The following BSG variants were observed in gnomAD, a reference collection of about 807,000 sequenced individuals.
BSG encodes basigin.
A neutral mutation model predicts 43.1 loss-of-function variants in BSG; 37 were observed. The ratio of observed to expected loss-of-function variants is 0.86; its 90% CI spans 0.66 to 1.13. The LOEUF is 1.13. BSG is among the 50% of genes most tolerant of loss of function. BSG has a pLI of 0.00. For missense variants in BSG, 599 were observed against 554.2 expected, an observed-to-expected ratio of 1.08 and a Z score of -0.81; for synonymous variants, 309 against 238.7, an observed-to-expected ratio of 1.29 and a Z score of -2.72.
At position 578,001 on chromosome 19, in the gene BSG, G is replaced by C. The variant is rs537898048; in HGVS notation, c.295G>C (p.Val99Leu). 7.4e-6 allele frequency: 12 copies of C among 1,612,006 alleles called. No individual in the cohort carries two copies. Among genetic ancestry groups the C allele is most frequent in the Non-Finnish European group, 1.0e-5 (12 of 1,179,672 alleles). ...AASTISIDTL[V>L]EEDTGTYECR... ...CAGCACCATCTCCATCGACACGCTC[G>C]TGGAGGAGGACACGGGCACTTACGA... The change falls in exon 2 of 9, where the codon GTG becomes CTG. Residue 99 changes from valine (V) to leucine (L), a missense_variant. Coordinates refer to ENST00000333511, the MANE Select transcript of BSG (RefSeq NM_001728.4).
chr19:576,986 G>A (rs969217677), intron 1 of BSG, among the ~76,000 whole-genome samples: 11 of 152,144 alleles, frequency 7.2e-5, no homozygotes, highest in Non-Finnish European at 1.2e-4. Context: ...GTGTTGTAGC[G>A]GTGCCTGGGG....
intron 1 of BSG, among the ~76,000 whole-genome samples, chr19:573,955 G>A (rs1981524240): frequency 6.6e-6 from 1 of 152,188 alleles, no homozygotes; most frequent in Admixed American, 6.5e-5. Context: ...TTGGTTCTGG[G>A]TTAAAGATTT....
intron 3 of BSG, 189 bp downstream of exon 3, chr19:579,845 A>G: frequency 1.2e-6 from 1 of 848,222 alleles, no homozygotes. Context: ...CTTGTGAGGC[A>G]GGGGGCTCCA....
chr19:576,786 C>T (rs1055627534), intron 1 of BSG, among the ~76,000 whole-genome samples: 2 of 151,580 alleles, frequency 1.3e-5, no homozygotes, highest in Non-Finnish European at 2.9e-5. Context: ...AAGAAAATGG[C>T]GCTGCCAAAA....
In BSG at chr19:580,366, G is replaced by A. The variant is rs1982177356; in HGVS notation, c.573-13G>A. ...GAGCTGGTACGCGGCTCACCTGCCTGCTGTGGTTGCAGGGTGGACTCCGAC... is the reference window on the plus strand; with the variant it reads ...GAGCTGGTACGCGGCTCACCTGCCTACTGTGGTTGCAGGGTGGACTCCGAC... On this transcript the variant is annotated splice_polypyrimidine_tract_variant and intron_variant, in intron 3 of 8. Transcript: ENST00000333511. 1 of 1,609,696 alleles carries A rather than the reference G, an allele frequency of 6.2e-7. No homozygotes were observed. The highest frequency in any genetic ancestry group is 8.5e-7 in the Non-Finnish European group (1 of 1,179,562).
chr19:580,574 G>T, intron 4 of BSG, 72 bp from the exon 5 acceptor site: 1 of 1,606,338 alleles, frequency 6.2e-7, no homozygotes, highest in East Asian at 2.2e-5. Context: ...GAGGGGAACA[G>T]CCCTCCTGCG....
rs1982459853 is a variant in BSG at position 582,871 on chromosome 19, C to G, written c.*127C>G. ...CCACCCCGTAGATTCCCATCATACACTTCCTTCTTTTTTAAAAAAGTTGGG... is the reference window on the plus strand; with the variant it reads ...CCACCCCGTAGATTCCCATCATACAGTTCCTTCTTTTTTAAAAAAGTTGGG... On this transcript the variant is annotated 3_prime_UTR_variant, in exon 9 of 9. Coordinates refer to ENST00000333511, the MANE Select transcript of BSG (RefSeq NM_001728.4). 1 of 480,956 alleles carries G rather than the reference C, an allele frequency of 2.1e-6. No homozygotes were observed. Among genetic ancestry groups the G allele is most frequent in the African/African-American group, 2.0e-5 (1 of 50,468 alleles). The allele number at this position is 480,956 out of a possible 1,614,324, so 29.8% of individuals were successfully genotyped here.
intron 4 of BSG, 72 bp downstream of exon 4, chr19:580,533 A>T: frequency 6.2e-7 from 1 of 1,605,188 alleles, no homozygotes; most frequent in Non-Finnish European, 8.5e-7. Context: ...GGCACCCGGC[A>T]CATCCCAGAG....
chr19:572,370 A>T, upstream of BSG: 1 of 1,091,000 alleles, frequency 9.2e-7, no homozygotes, highest in Non-Finnish European at 1.1e-6. Flanking sequence ...GCGTCCCCGC[A>T]GGCCCCACTC....
intron 6 of BSG, among the ~76,000 whole-genome samples, chr19:582,081 G>A (rs952456664): frequency 2.0e-5 from 3 of 152,192 alleles, no homozygotes; most frequent in African/African-American, 7.2e-5. Context: ...GAGGCCATGG[G>A]GACAGCTCAC....
Position 580,718 on chromosome 19 carries a change from A to C in BSG, c.728A>C (p.Lys243Thr), listed in dbSNP as rs1982219441. 5 of 1,612,894 alleles carry C rather than the reference A, an allele frequency of 3.1e-6. No individual in the cohort carries two copies. The highest frequency in any genetic ancestry group is 4.2e-6 in the Non-Finnish European group (5 of 1,179,972). Residue 243 changes from lysine to threonine, a missense_variant, in exon 5 of 9, where the codon AAG (lysine) becomes ACG (threonine). Lys to Thr is a moderately conservative substitution (Grantham distance 78). Coordinates refer to ENST00000333511, the MANE Select transcript of BSG (RefSeq NM_001728.4). ...GGGGAGACGGCCATGCTGGTCTGCA[A>C]GTCAGAGTCCGTGCCACCTGTCACT... ...NEGETAMLVCKSESVPPVTDW... is the reference protein window; with the variant it reads ...NEGETAMLVCTSESVPPVTDW...
At position 578,135 on chromosome 19, in the gene BSG, A is replaced by G; in HGVS notation, c.415+14A>G. 1 of 1,522,664 alleles carries G rather than the reference A, an allele frequency of 6.6e-7. No individual in the cohort carries two copies. The highest frequency in any genetic ancestry group is 8.8e-7 in the Non-Finnish European group (1 of 1,130,202). The allele number at this position is 1,522,664 out of a possible 1,614,324, so 94.3% of individuals were successfully genotyped here. ...TAGTCCTGGAACGTGAGTGGCGGGC[A>G]CCTCCCTCCCCGCCTCCCTCAGTTT... On this transcript the variant is annotated intron_variant, in intron 2 of 8. Coordinates refer to ENST00000333511, the MANE Select transcript of BSG (RefSeq NM_001728.4).
At chr19:574,147 C>G (rs1208020047) in intron 1 of BSG, among the ~76,000 whole-genome samples, 1 of 151,870 alleles carries the variant, frequency 6.6e-6, no homozygotes, top group Non-Finnish European at 1.5e-5. Context: ...CCCAGCCACT[C>G]AGGAAGCTGA....
rs112251245 is a variant in BSG at position 578,316 on chromosome 19, G to T, written c.415+195G>T. The T allele has an allele frequency of 6.6e-3, 3,404 of 517,208 alleles. 82 individuals are homozygous for T. Among genetic ancestry groups the T allele is most frequent in the African/African-American group, 0.058 (2,936 of 50,462 alleles). 32.0% of individuals were successfully genotyped at this position (517,208 alleles called of 1,614,324 possible). Reference sequence around the variant, plus strand: ...GCCGCCTGACCACCAGCGCTGGGCGGCCTGGCTCGGGGCAGGCAGGGCTCT... The same window carrying T: ...GCCGCCTGACCACCAGCGCTGGGCGTCCTGGCTCGGGGCAGGCAGGGCTCT... On this transcript the variant is annotated intron_variant, in intron 2 of 8. Coordinates refer to ENST00000333511, the MANE Select transcript of BSG (RefSeq NM_001728.4).
rs1410936629 is a variant in BSG, at chr19:580,676, C to A, written c.686C>A (p.Ser229Ter). Residue 229 changes from serine (S) to a stop codon, truncating the protein, a stop_gained, in exon 5 of 9, where the codon TCA becomes TAA. Coordinates refer to ENST00000333511, the MANE Select transcript of BSG (RefSeq NM_001728.4). LOFTEE classifies it high-confidence loss of function. ...GPPRVKAVKS[S>*]EHINEGETAM... is the part of the protein sequence containing the mutation. ...CCCAGAGTGAAGGCTGTGAAGTCGT[C>A]AGAACACATCAACGAGGGGGAGACG... The A allele has an allele frequency of 6.2e-7, 1 of 1,612,826 alleles. No individual in the cohort carries two copies. The highest frequency in any genetic ancestry group is 8.5e-7 in the Non-Finnish European group (1 of 1,179,968).
chr19:574,997 C>G (rs962368130), intron 1 of BSG: 20 of 152,262 alleles, frequency 1.3e-4, no homozygotes, highest in African/African-American at 4.8e-4. Context: ...GGGTGAAAGA[C>G]CTTTGGTCTC....
rs28921985 is a variant in BSG at position 577,665 on chromosome 19, G to A, written c.68-109G>A. 1,284 of 915,808 alleles carry A rather than the reference G, an allele frequency of 1.4e-3. 15 individuals carry two copies. The African/African-American group carries it at 0.018, about 13-fold the overall frequency. 56.7% of individuals were successfully genotyped at this position (915,808 alleles called of 1,614,324 possible). A position where few individuals can be genotyped will look rare whatever the true frequency, so the allele number is the denominator to read the frequency against. ...CTCTCCCACAAGCTGAAAGGAAGTG[G>A]CTTCTCCACCAGCCCTGGCTGGGAG... On this transcript the variant is annotated intron_variant, in intron 1 of 8. Coordinates refer to ENST00000333511, the MANE Select transcript of BSG (RefSeq NM_001728.4).
At chr19:576,009 G>A (rs1200484306) in intron 1 of BSG, among the ~76,000 whole-genome samples, 1 of 152,236 alleles carries the variant, frequency 6.6e-6, no homozygotes, top group African/African-American at 2.4e-5. Context: ...GAGGGACACA[G>A]GGTTGTTCCA....
chr19:579,980 G>T (rs193000162), intron 3 of BSG: 1 of 430,792 alleles, frequency 2.3e-6, no homozygotes, highest in Admixed American at 4.1e-5. Flanking sequence ...GCACAAGAGG[G>T]CACCACACTG....
Sources: gnomAD v4.1 joint callset for allele counts (sites outside exome capture counted in the v4.1 genomes callset) on GRCh38, gnomAD v4.1.1 for gene constraint, MANE v1.5 for transcripts, NCBI Gene and HGNC (gene_info 2026-07-23, HGNC 2026-07-21) for gene names.